EVC: variants seen among roughly 807,000 people sequenced by gnomAD.
EVC encodes EvC ciliary complex subunit 1.
Under a neutral mutation model 118.9 loss-of-function variants are expected in EVC, and 116 were observed. The ratio of observed to expected loss-of-function variants is 0.98; its 90% CI spans 0.84 to 1.14. The LOEUF (loss-of-function observed/expected upper bound fraction) is 1.14, where lower values mean the gene tolerates loss of function less well. Among genes scored for constraint, EVC ranks in the 50% most tolerant of loss-of-function variants. The pLI, the probability that EVC is intolerant of heterozygous loss-of-function variation, is 0.00. For missense variants in EVC, 1,401 were observed against 1,246.4 expected (o/e 1.12, Z -1.87); for synonymous variants, 619 against 534.7 (o/e 1.16, Z -2.18).
chr4:5,811,097 T>C lies in EVC; in HGVS notation c.*60T>C. 1 of 1,390,860 alleles carries C rather than the reference T, an allele frequency of 7.2e-7. No individual in the cohort carries two copies. The highest frequency in any genetic ancestry group is 1.0e-6 in the Non-Finnish European group (1 of 993,452). 86.2% of individuals were successfully genotyped at this position (1,390,860 alleles called of 1,614,324 possible). A position where few individuals can be genotyped will look rare whatever the true frequency, so the allele number is the denominator to read the frequency against. On this transcript the variant is annotated 3_prime_UTR_variant, in exon 21 of 21. Transcript: ENST00000264956. Reference sequence around the variant, plus strand: ...CTGGGTCTGGGTGTGAATTCCACCTTCCCTCCTGCAGTGCTGAGAGGCAGC... The same window carrying C: ...CTGGGTCTGGGTGTGAATTCCACCTCCCCTCCTGCAGTGCTGAGAGGCAGC...
chr4:5,785,588 C>A (rs1736300097), intron 12 of EVC, among the ~76,000 whole-genome samples: 1 of 152,192 alleles, frequency 6.6e-6, no homozygotes, highest in South Asian at 2.1e-4. Flanking sequence ...CCTTCTAGTT[C>A]ATTCAGTCCT....
At chr4:5,794,305 T>TATTTATATATATA (rs1713411724) in intron 13 of EVC, among the ~76,000 whole-genome samples, 1 of 96,360 alleles carries the variant, frequency 1.0e-5, no homozygotes, top group Non-Finnish European at 2.2e-5. Context: ...ATATTTATAT[T>TATTTATATATATA]TTTATATATT....
intron 1 of EVC, among the ~76,000 whole-genome samples, chr4:5,712,314 G>T (rs78089356): frequency 6.6e-6 from 1 of 152,276 alleles, no homozygotes; most frequent in African/African-American, 2.4e-5. Context: ...GCACAGAGAG[G>T]TTAAGCAACT....
rs1162358520 is a variant in EVC, at chr4:5,798,290, C to G, written c.2098-296C>G. 1.3e-5 allele frequency among the ~76,000 whole-genome samples: 2 copies of G among 152,146 alleles called. No homozygotes were observed. The highest frequency in any genetic ancestry group is 2.4e-5 in the African/African-American group (1 of 41,430). On this transcript the variant is annotated intron_variant, in intron 14 of 20. Coordinates refer to ENST00000264956, the MANE Select transcript of EVC (RefSeq NM_153717.3). The surrounding 1 kb of genome is among the most constrained non-coding windows in gnomAD (Gnocchi z 4.1). Reference sequence around the variant, plus strand: ...TCCTCCTCAGTGCTAGTGTTCAGGTCTCATGATGTTCTAGAAGGATGAGCA... The same window carrying G: ...TCCTCCTCAGTGCTAGTGTTCAGGTGTCATGATGTTCTAGAAGGATGAGCA...
Position 5,742,563 on chromosome 4 carries a change from CATT to C in EVC, c.801+750_801+752del, listed in dbSNP as rs1404420389. Reference sequence around the variant, plus strand: ...TTGCTATTGTCACCACTGACATCATCATTCTTTGTCTTTACCACCATCATCATC... The same window carrying C: ...TTGCTATTGTCACCACTGACATCATCCTTTGTCTTTACCACCATCATCATC... On this transcript the variant is annotated intron_variant, in intron 6 of 20. Transcript: ENST00000264956. The surrounding 1 kb of genome is among the most constrained non-coding windows in gnomAD (Gnocchi z 5.2). Among the ~76,000 whole-genome samples, 1 of 152,164 alleles carries C rather than the reference CATT, an allele frequency of 6.6e-6. No homozygotes were observed. The highest frequency in any genetic ancestry group is 2.4e-5 in the African/African-American group (1 of 41,446).
intron 11 of EVC, among the ~76,000 whole-genome samples, chr4:5,781,225 T>C (rs1735557004): frequency 6.6e-6 from 1 of 152,264 alleles, no homozygotes; most frequent in Admixed American, 6.5e-5. Context: ...GTGGGTGCTC[T>C]AGTTGTGTTG....
At chr4:5,810,473 T>C (rs1278883648) in intron 20 of EVC, 23 bp downstream of exon 20, 3 of 1,574,428 alleles carry the variant, frequency 1.9e-6, no homozygotes, top group East Asian at 4.5e-5. Flanking sequence ...CCCGGACCTG[T>C]TGCCTGTGGC....
chr4:5,765,002 C>G (rs1407916840), intron 11 of EVC, among the ~76,000 whole-genome samples: 2 of 126,122 alleles, frequency 1.6e-5, no homozygotes, highest in Non-Finnish European at 3.4e-5. Context: ...GTCAGGGTGT[C>G]AATTTTGGAT....
chr4:5,797,319 G>T (rs997735908), intron 14 of EVC, 87 bp downstream of exon 14: 3 of 1,127,930 alleles, frequency 2.7e-6, no homozygotes, highest in East Asian at 2.6e-5. Context: ...GCCAGAACCC[G>T]AATCCTATCA....
At chr4:5,781,749 AGGGTCAC>A (rs1189859034) in intron 11 of EVC, among the ~76,000 whole-genome samples, 1 of 152,122 alleles carries the variant, frequency 6.6e-6, no homozygotes, top group Non-Finnish European at 1.5e-5. Flanking sequence ...CTGAGGTGAG[AGGGTCAC>A]CTGAGTCCAG....
chr4:5,771,903 T>A lies in EVC; in HGVS notation c.1564-11649T>A, dbSNP rs573543519. On this transcript the variant is annotated intron_variant, in intron 11 of 20. Transcript: ENST00000264956. ...CTTTTTATTTTATTTTATTTTATTATTATTATTATTATTTTGAGACGTCTC... is the reference window on the plus strand; with the variant it reads ...CTTTTTATTTTATTTTATTTTATTAATATTATTATTATTTTGAGACGTCTC... Among the ~76,000 whole-genome samples the A allele has an allele frequency of 6.7e-4, 101 of 151,844 alleles. 1 individual carries two copies. Among genetic ancestry groups the A allele is most frequent in the African/African-American group, 2.1e-3 (86 of 41,380 alleles).
intron 1 of EVC, among the ~76,000 whole-genome samples, chr4:5,712,954 G>A (rs754219742): frequency 3.9e-5 from 6 of 152,258 alleles, no homozygotes; most frequent in Non-Finnish European, 7.3e-5. Context: ...GGCAGGGGAT[G>A]CTCTGCAAGG....
intron 1 of EVC, among the ~76,000 whole-genome samples, chr4:5,714,924 C>T (rs1723696472): frequency 6.6e-6 from 1 of 152,032 alleles, no homozygotes; most frequent in Non-Finnish European, 1.5e-5. Flanking sequence ...CCCGCCTCAG[C>T]CTCCCAAGTA....
intron 14 of EVC, among the ~76,000 whole-genome samples, chr4:5,797,601 A>C (rs992650022): frequency 1.3e-5 from 2 of 152,178 alleles, no homozygotes; most frequent in Admixed American, 1.3e-4. Flanking sequence ...GCCCACGTTA[A>C]TGACCTCACT....
rs568417863 is a variant in EVC at position 5,746,641 on chromosome 4, C to T, written c.939+1300C>T. On this transcript the variant is annotated intron_variant, in intron 7 of 20. Transcript: ENST00000264956. This position sits in a 1 kb window ranked among gnomAD's most constrained non-coding sequence, Gnocchi z 5.8. ...TGGATTCCGGTGGTCCACAGAACCC[C>T]CAACGCTGTGTGCAGTATCTTGTCC... Among the ~76,000 whole-genome samples, 187 of 152,144 alleles carry T rather than the reference C, an allele frequency of 1.2e-3. No homozygotes were observed. The highest frequency in any genetic ancestry group is 4.2e-3 in the African/African-American group (175 of 41,510).
At chr4:5,747,040 G>C (rs547713842) in intron 7 of EVC, among the ~76,000 whole-genome samples, 210 of 152,168 alleles carry the variant, frequency 1.4e-3, no homozygotes, top group African/African-American at 4.9e-3. Context: ...GTGAGAGCCT[G>C]AGGGTGTCAG....
intron 11 of EVC, among the ~76,000 whole-genome samples, chr4:5,767,200 G>A (rs369244112): frequency 2.6e-5 from 4 of 152,198 alleles, no homozygotes; most frequent in Admixed American, 6.5e-5. Context: ...ATGCCTCCCA[G>A]TTAGGCTCCT....
At position 5,742,583 on chromosome 4, in the gene EVC, A is replaced by G. The variant is rs1021048963; in HGVS notation, c.801+769A>G. 3.8e-4 allele frequency among the ~76,000 whole-genome samples: 58 copies of G among 152,216 alleles called. No individual in the cohort carries two copies. Among genetic ancestry groups the G allele is most frequent in the African/African-American group, 1.3e-3 (56 of 41,546 alleles). ...ATCATCATTCTTTGTCTTTACCACC[A>G]TCATCATCATCCTCATGACCGCTGT... On this transcript the variant is annotated intron_variant, in intron 6 of 20. Coordinates refer to ENST00000264956, the MANE Select transcript of EVC (RefSeq NM_153717.3). The surrounding 1 kb of genome is among the most constrained non-coding windows in gnomAD (Gnocchi z 5.2).
At chr4:5,713,817 C>T (rs1249730216) in intron 1 of EVC, among the ~76,000 whole-genome samples, 1 of 152,072 alleles carries the variant, frequency 6.6e-6, no homozygotes, top group African/African-American at 2.4e-5. Context: ...GCAAGAGAAT[C>T]GCTTGAACCC....
Sources: gnomAD v4.1 joint callset for allele counts (sites outside exome capture counted in the v4.1 genomes callset) on GRCh38, gnomAD v4.1.1 for gene constraint, Gnocchi (gnomAD v3.1) non-coding constraint, MANE v1.5 for transcripts, NCBI Gene and HGNC (gene_info 2026-07-23, HGNC 2026-07-21) for gene names.